ADGRL2: variants seen among roughly 807,000 people sequenced by gnomAD.
The protein encoded by ADGRL2 is calcium-independent alpha-latrotoxin receptor 2.
ADGRL2 carries 44 observed loss-of-function variants against 157.4 expected under a neutral mutation model. That is an observed-to-expected ratio of 0.28 (90% CI 0.22 to 0.36). ADGRL2 has a LOEUF of 0.36. Among genes scored for constraint, ADGRL2 ranks in the 10% least tolerant of loss-of-function variants. The pLI is 1.00. For synonymous variants in ADGRL2, 585 were observed against 624.7 expected, an observed-to-expected ratio of 0.94 and a Z score of 0.95; for missense variants, 1,510 against 1,768.9, an observed-to-expected ratio of 0.85 and a Z score of 2.63.
intron 2 of ADGRL2, among the ~76,000 whole-genome samples, chr1:81,518,798 A>C (rs779993483): frequency 2.3e-4 from 20 of 85,490 alleles, no homozygotes; most frequent in Non-Finnish European, 3.6e-4. Context: ...ACCTTGTCTC[A>C]AAAAAAAAAA....
At chr1:81,714,237 T>C (rs1422574627) in intron 1 of ADGRL2, among the ~76,000 whole-genome samples, 3 of 152,172 alleles carry the variant, frequency 2.0e-5, no homozygotes, top group Non-Finnish European at 4.4e-5. Context: ...TAAGTTATCA[T>C]TTAAATTTGG....
At chr1:81,776,101 A>G (rs1374960707) in intron 2 of ADGRL2, among the ~76,000 whole-genome samples, 1 of 152,074 alleles carries the variant, frequency 6.6e-6, no homozygotes, top group Non-Finnish European at 1.5e-5. Context: ...GAAGCTCACT[A>G]CTTCTTCTAT....
intron 16 of ADGRL2, among the ~76,000 whole-genome samples, 170 bp from the exon 17 acceptor site, chr1:81,971,679 TTTG>T (rs3215833): frequency 0.39 from 59,467 of 151,738 alleles, 12,280 homozygotes; most frequent in East Asian, 0.68. Flanking sequence ...ATTATTTTCC[TTTG>T]TTAAGTCAAA....
chr1:81,408,325 T>TA (rs397824456), intron 1 of ADGRL2, among the ~76,000 whole-genome samples: 23 of 152,006 alleles, frequency 1.5e-4, no homozygotes, highest in Admixed American at 1.0e-3. Context: ...TCATTTTTTT[T>TA]AAATTTCTTC....
chr1:81,577,532 C>G (rs1248289803), intron 2 of ADGRL2, among the ~76,000 whole-genome samples: 1 of 152,134 alleles, frequency 6.6e-6, no homozygotes. Context: ...TGTAGCTGTG[C>G]CTTGGAGTCA....
intron 1 of ADGRL2, among the ~76,000 whole-genome samples, chr1:81,443,344 C>A (rs2077542910): frequency 6.6e-6 from 1 of 151,874 alleles, no homozygotes; most frequent in African/African-American, 2.4e-5. Context: ...ATCACTTGAA[C>A]CCAGGAGGCA....
intron 2 of ADGRL2, among the ~76,000 whole-genome samples, chr1:81,527,924 G>T (rs2079502832): frequency 6.6e-6 from 1 of 151,568 alleles, no homozygotes; most frequent in Non-Finnish European, 1.5e-5. Context: ...ACAATTAGCC[G>T]GGTGCGGTTG....
intron 2 of ADGRL2, among the ~76,000 whole-genome samples, chr1:81,451,146 C>A (rs111297554): frequency 2.8e-4 from 42 of 152,056 alleles, no homozygotes; most frequent in Non-Finnish European, 1.8e-4. Context: ...ATTGATCATA[C>A]CTTTTTTCTT....
At chr1:81,725,896 T>C (rs1471315783) in intron 1 of ADGRL2, among the ~76,000 whole-genome samples, 1 of 152,050 alleles carries the variant, frequency 6.6e-6, no homozygotes, top group Admixed American at 6.5e-5. Flanking sequence ...GGTGGGAGAA[T>C]TGCTTGAACC....
rs1323326873 is a variant in ADGRL2 at position 81,379,941 on chromosome 1, C to A, written c.-301-65095C>A. On this transcript the variant is annotated intron_variant, in intron 1 of 24. Transcript: ENST00000370721. ...GGGGTAGAGCCCTAGCCAGGGACCA[C>A]GCCCTCCTCTACTCAACACTTCCCT... Among the ~76,000 whole-genome samples, 20 of 152,262 alleles carry A rather than the reference C, an allele frequency of 1.3e-4. No individual in the cohort carries two copies. The East Asian group carries it at 3.5e-3, about 26-fold the overall frequency.
chr1:81,938,413 C>T (rs770556716), intron 4 of ADGRL2, among the ~76,000 whole-genome samples: 6 of 151,698 alleles, frequency 4.0e-5, no homozygotes, highest in Non-Finnish European at 7.4e-5. Flanking sequence ...TATTTTCAGA[C>T]TCATAAGCTA....
chr1:81,657,568 C>G (rs477742), intron 3 of ADGRL2, among the ~76,000 whole-genome samples: 51,033 of 151,996 alleles, frequency 0.34, 9,120 homozygotes, highest in African/African-American at 0.45. Context: ...CCTTCCCACT[C>G]CCTAGGCCCA....
chr1:81,801,875 T>A (rs2088221184), intron 1 of ADGRL2, among the ~76,000 whole-genome samples: 1 of 151,728 alleles, frequency 6.6e-6, no homozygotes, highest in Non-Finnish European at 1.5e-5. Context: ...TGATTCCCGA[T>A]TTTTTTTTCC....
At chr1:81,664,962 C>T (rs186616071) in intron 3 of ADGRL2, among the ~76,000 whole-genome samples, 11 of 152,050 alleles carry the variant, frequency 7.2e-5, no homozygotes, top group East Asian at 1.9e-4. Flanking sequence ...GCTAAGAATA[C>T]GATAAACAAT....
chr1:81,966,327 C>A (rs1657028217), intron 12 of ADGRL2, 77 bp from the exon 13 acceptor site: 10 of 1,525,220 alleles, frequency 6.6e-6, no homozygotes, highest in Non-Finnish European at 8.1e-6. Flanking sequence ...AGGACTTCAT[C>A]ATTTTATTCT....
intron 3 of ADGRL2, among the ~76,000 whole-genome samples, chr1:81,656,956 G>A (rs2082547020): frequency 6.8e-6 from 1 of 146,324 alleles, no homozygotes; most frequent in Admixed American, 7.0e-5. Flanking sequence ...GTTACCATGA[G>A]CCATGATTGT....
At chr1:81,834,521 G>A (rs1015943832) in intron 1 of ADGRL2, among the ~76,000 whole-genome samples, 7 of 152,054 alleles carry the variant, frequency 4.6e-5, no homozygotes, top group African/African-American at 1.7e-4. Context: ...GGTTTGTTAG[G>A]TATTTCAACT....
intron 2 of ADGRL2, among the ~76,000 whole-genome samples, chr1:81,477,090 C>T (rs554028111): frequency 2.5e-4 from 38 of 152,292 alleles, no homozygotes; most frequent in African/African-American, 9.1e-4. Context: ...GATTGGTTGA[C>T]CATTGCCACT....
intron 2 of ADGRL2, among the ~76,000 whole-genome samples, chr1:81,463,788 AT>A (rs559363055): frequency 1.2e-3 from 176 of 152,358 alleles, no homozygotes; most frequent in African/African-American, 4.0e-3. Flanking sequence ...ATTGATGTGT[AT>A]AAAGACAGTT....
Sources: gnomAD v4.1 joint callset for allele counts (sites outside exome capture counted in the v4.1 genomes callset) on GRCh38, gnomAD v4.1.1 for gene constraint, MANE v1.5 for transcripts, NCBI Gene and HGNC (gene_info 2026-07-23, HGNC 2026-07-21) for gene names.